The following NRBF2 variants were observed in gnomAD, a reference collection of about 807,000 sequenced individuals.
The protein encoded by NRBF2 is nuclear receptor binding factor 2.
Under a neutral mutation model 28.5 loss-of-function variants are expected in NRBF2, and 12 were observed. That is an observed-to-expected ratio of 0.42 (90% confidence interval 0.27 to 0.68). The LOEUF (loss-of-function observed/expected upper bound fraction) is 0.68, where lower values mean the gene tolerates loss of function less well. Ranked by LOEUF, NRBF2 falls within the 30% of genes least tolerant of loss-of-function variation. NRBF2 has a pLI of 0.24. For synonymous variants in NRBF2, 102 were observed against 116.5 expected (o/e 0.88, Z 0.80); for missense variants, 274 against 333.5 (o/e 0.82, Z 1.39).
intron 1 of NRBF2, among the ~76,000 whole-genome samples, chr10:63,143,160 A>G (rs1841501793): frequency 1.3e-5 from 2 of 152,182 alleles, no homozygotes; most frequent in South Asian, 4.1e-4. Context: ...ACTATTTAAA[A>G]AATAAAAAGT....
At chr10:63,150,721 A>G (rs916637261) in intron 2 of NRBF2, among the ~76,000 whole-genome samples, 5 of 152,364 alleles carry the variant, frequency 3.3e-5, no homozygotes, top group Admixed American at 3.3e-4. Context: ...ATAGAAATAA[A>G]TAATTATACA....
chr10:63,141,014 T>C (rs1036960430), intron 1 of NRBF2, among the ~76,000 whole-genome samples: 3 of 152,212 alleles, frequency 2.0e-5, no homozygotes, highest in Non-Finnish European at 1.5e-5. Flanking sequence ...CTAGTGCTTT[T>C]AATGGCTGTG....
chr10:63,134,683 G>A lies in NRBF2; in HGVS notation c.30+1183G>A, dbSNP rs536611092. Among the ~76,000 whole-genome samples the A allele has an allele frequency of 2.8e-4, 42 of 152,206 alleles. 1 individual carries two copies. The highest frequency in any genetic ancestry group is 5.0e-4 in the Non-Finnish European group (34 of 68,016). ...AGTACATAGTACAGTGTAAGAGTTAGCGATTATAACCAGACCATAAGCCCT... is the reference window on the plus strand; with the variant it reads ...AGTACATAGTACAGTGTAAGAGTTAACGATTATAACCAGACCATAAGCCCT... On this transcript the variant is annotated intron_variant, in intron 1 of 3. Transcript: ENST00000277746.
intron 1 of NRBF2, among the ~76,000 whole-genome samples, chr10:63,135,229 C>G (rs572963618): frequency 1.3e-5 from 2 of 152,054 alleles, no homozygotes; most frequent in Non-Finnish European, 2.9e-5. Context: ...GTTTTTAAGG[C>G]GACATATAGT....
chr10:63,143,990 T>C (rs985720091), intron 1 of NRBF2, among the ~76,000 whole-genome samples: 12 of 152,066 alleles, frequency 7.9e-5, no homozygotes, highest in African/African-American at 2.9e-4. Flanking sequence ...ACTCTTGAGC[T>C]CGAGTGATCT....
At chr10:63,145,627 TGATGA>T (rs1589019546) in intron 1 of NRBF2, among the ~76,000 whole-genome samples, 1 of 152,264 alleles carries the variant, frequency 6.6e-6, no homozygotes, top group Non-Finnish European at 1.5e-5. Flanking sequence ...TTTGTTCTTT[TGATGA>T]GATATCTTTA....
At chr10:63,142,934 C>G (rs1343721771) in intron 1 of NRBF2, among the ~76,000 whole-genome samples, 4 of 151,960 alleles carry the variant, frequency 2.6e-5, no homozygotes, top group Non-Finnish European at 5.9e-5. Flanking sequence ...GCATGTGCCA[C>G]CATGCCTGGC....
intron 1 of NRBF2, among the ~76,000 whole-genome samples, chr10:63,140,313 G>A (rs781768939): frequency 2.0e-5 from 3 of 152,212 alleles, no homozygotes; most frequent in Non-Finnish European, 4.4e-5. Context: ...AAAAAAGAAT[G>A]TGGGAAGTCC....
At chr10:63,138,033 A>G (rs1841401286) in intron 1 of NRBF2, among the ~76,000 whole-genome samples, 1 of 152,190 alleles carries the variant, frequency 6.6e-6, no homozygotes, top group African/African-American at 2.4e-5. Context: ...ATAGTAGGAT[A>G]TGAAGGCAAG....
intron 2 of NRBF2, 88 bp from the exon 3 acceptor site, chr10:63,152,062 T>A: frequency 1.1e-6 from 1 of 945,148 alleles, no homozygotes; most frequent in East Asian, 2.5e-5. Context: ...GTTCTCTTTG[T>A]CATATGAAGA....
At chr10:63,150,305 C>G (rs1841628610) in intron 2 of NRBF2, 1 of 825,606 alleles carries the variant, frequency 1.2e-6, no homozygotes, top group Non-Finnish European at 1.5e-6. Context: ...TGCAGCTGTA[C>G]AGACATACTA....
intron 2 of NRBF2, among the ~76,000 whole-genome samples, chr10:63,149,900 G>A: frequency 6.6e-6 from 1 of 151,806 alleles, no homozygotes; most frequent in East Asian, 1.9e-4. Context: ...TGTGTCTACA[G>A]TGTATCAGAG....
intron 1 of NRBF2, among the ~76,000 whole-genome samples, chr10:63,142,800 T>TTTTTTTG (rs71025115): frequency 2.9e-5 from 4 of 138,694 alleles, no homozygotes; most frequent in South Asian, 2.2e-4. Flanking sequence ...TTTTTTTTTT[T>TTTTTTTG]GAGGCTGTCT....
At position 63,148,167 on chromosome 10, in the gene NRBF2, T is replaced by G. The variant is rs534620836; in HGVS notation, c.115+1874T>G. Among the ~76,000 whole-genome samples, 9 of 152,308 alleles carry G rather than the reference T, an allele frequency of 5.9e-5. No homozygotes were observed. The South Asian group carries it at 1.9e-3, about 32-fold the overall frequency. ...TATGAATATATAAAGAGAAGGAAAT[T>G]TTAGTTGTAACCTAATCCTTGTCTT... On this transcript the variant is annotated intron_variant, in intron 2 of 3. Transcript: ENST00000277746.
In NRBF2 at chr10:63,133,373, C is replaced by A. The variant is rs573469226; in HGVS notation, c.-98C>A. 2.1e-6 allele frequency: 3 copies of A among 1,413,312 alleles called. No individual in the cohort carries two copies. The highest frequency in any genetic ancestry group is 2.9e-5 in the African/African-American group (2 of 69,952). 87.5% of individuals were successfully genotyped at this position (1,413,312 alleles called of 1,614,324 possible). On this transcript the variant is annotated 5_prime_UTR_variant, in exon 1 of 4. Transcript: ENST00000277746. ...TGGCTCTTGGGGCGCAGAGAGGGGC[C>A]GCAGTCTCCGCGGCTGCGTCGAGCT... is the stretch of plus-strand genomic sequence containing the variant.
At chr10:63,134,926 G>T (rs190854038) in intron 1 of NRBF2, among the ~76,000 whole-genome samples, 1 of 152,226 alleles carries the variant, frequency 6.6e-6, no homozygotes, top group South Asian at 2.1e-4. Flanking sequence ...CGGGGCTCAC[G>T]CCTGTAATCC....
intron 1 of NRBF2, among the ~76,000 whole-genome samples, chr10:63,134,952 CCGAGGCGGG>C (rs1365846171): frequency 2.0e-5 from 3 of 152,170 alleles, no homozygotes; most frequent in African/African-American, 7.2e-5. Context: ...CTTTGGGAGG[CCGAGGCGGG>C]CGAATCACTT....
chr10:63,145,149 C>G (rs1023870271), intron 1 of NRBF2, among the ~76,000 whole-genome samples: 22 of 144,222 alleles, frequency 1.5e-4, no homozygotes, highest in Non-Finnish European at 2.8e-4. Flanking sequence ...CTGTTTTCAC[C>G]CAGGCTGGAG....
Position 63,154,323 on chromosome 10 carries a change from A to G in NRBF2, c.*105A>G. The G allele has an allele frequency of 1.3e-6, 1 of 761,926 alleles. No homozygotes were observed. The highest frequency in any genetic ancestry group is 2.1e-6 in the Non-Finnish European group (1 of 473,216). 47.2% of individuals were successfully genotyped at this position (761,926 alleles called of 1,614,324 possible). A position where few individuals can be genotyped will look rare whatever the true frequency, so the allele number is the denominator to read the frequency against. On this transcript the variant is annotated 3_prime_UTR_variant, in exon 4 of 4. Coordinates refer to ENST00000277746, the MANE Select transcript of NRBF2 (RefSeq NM_030759.5). ...ACCACATAGAAGGGTAATCCCGGAA[A>G]TGCTTCATCTGGTGGACTGTGGGAG...
Sources: gnomAD v4.1 joint callset for allele counts (sites outside exome capture counted in the v4.1 genomes callset) on GRCh38, gnomAD v4.1.1 for gene constraint, MANE v1.5 for transcripts, NCBI Gene and HGNC (gene_info 2026-07-23, HGNC 2026-07-21) for gene names.